Variants in COPS5 observed in about 807,000 individuals in gnomAD.
COPS5 encodes COP9 signalosome complex subunit 5.
In COPS5, 8 loss-of-function variants were observed where a neutral mutation model predicts 44.4. The observed-to-expected ratio is 0.18, with a 90% CI of 0.11 to 0.32. COPS5 has a LOEUF of 0.32. COPS5 is among the 10% of genes least tolerant of loss of function. The pLI, the probability that COPS5 is intolerant of heterozygous loss-of-function variation, is 1.00. For synonymous variants in COPS5, 122 were observed against 142.8 expected (o/e 0.85, Z 1.04); for missense variants, 159 against 406.4 (o/e 0.39, Z 5.23).
intron 5 of COPS5, among the ~76,000 whole-genome samples, chr8:67,052,067 T>C (rs1001615771): frequency 6.6e-6 from 1 of 152,266 alleles, no homozygotes; most frequent in Admixed American, 6.5e-5. Context: ...ATGATATACA[T>C]TGAATAACAA....
chr8:67,062,118 G>A lies in COPS5; in HGVS notation c.-122C>T. On this transcript the variant is annotated 5_prime_UTR_variant, in exon 1 of 8. Transcript: ENST00000357849. ...AACAAACTCTTACCTAGACTCTTGG[G>A]GCAGCCATGACACCTAGAACCGGAG... 2 of 1,552,962 alleles carry A rather than the reference G, an allele frequency of 1.3e-6. No individual in the cohort carries two copies. Among genetic ancestry groups the A allele is most frequent in the East Asian group, 2.4e-5 (1 of 41,738 alleles).
chr8:67,061,704 G>A, intron 1 of COPS5, 150 bp downstream of exon 1: 3 of 763,712 alleles, frequency 3.9e-6, no homozygotes, highest in South Asian at 3.5e-5. Context: ...CCAGCGGAGG[G>A]CTTAGGCTCT....
chr8:67,048,896 G>A (rs1433677488), intron 6 of COPS5, among the ~76,000 whole-genome samples: 1 of 152,102 alleles, frequency 6.6e-6, no homozygotes, highest in African/African-American at 2.4e-5. Context: ...AATGATGTAT[G>A]TAGCATATCA....
intron 2 of COPS5, 105 bp downstream of exon 2, chr8:67,059,106 A>C (rs1354573265): frequency 1.5e-6 from 1 of 675,444 alleles, no homozygotes; most frequent in Admixed American, 2.9e-5. Context: ...TTAAAATTTA[A>C]ATATAAAATT....
chr8:67,058,286 A>C, intron 2 of COPS5, 75 bp from the exon 3 acceptor site: 1 of 1,443,070 alleles, frequency 6.9e-7, no homozygotes, highest in Non-Finnish European at 9.6e-7. Context: ...AATAAGGGTA[A>C]CCAGTCTCCT....
chr8:67,045,848 T>C lies in COPS5; in HGVS notation c.884A>G (p.Lys295Arg). Reference protein sequence around the residue: ...FMLGLETHDRKSEDKLAKATR... With the variant: ...FMLGLETHDRRSEDKLAKATR... ...AGCTTTGGCAAGTTTGTCTTCTGAT[T>C]TTCGGTCATGCGTTTCTAAACCCAA... The change falls in exon 7 of 8, where the codon AAA becomes AGA. Residue 295 changes from lysine to arginine, a missense_variant. This residue lies in a region of COPS5 where 134 missense variants were observed against 376.7 expected (regional missense o/e 0.36). Coordinates refer to ENST00000357849, the MANE Select transcript of COPS5 (RefSeq NM_006837.3). 1 of 1,614,198 alleles carries C rather than the reference T, an allele frequency of 6.2e-7. No homozygotes were observed. Among genetic ancestry groups the C allele is most frequent in the Non-Finnish European group, 8.5e-7 (1 of 1,180,038 alleles).
chr8:67,061,427 TA>T (rs544829583), intron 1 of COPS5: 1,441 of 379,632 alleles, frequency 3.8e-3, no homozygotes, highest in Admixed American at 7.6e-3. Context: ...CCATTTCTAT[TA>T]AAAAAAAAAG....
intron 6 of COPS5, among the ~76,000 whole-genome samples, chr8:67,046,683 C>T (rs1294487509): frequency 4.6e-5 from 7 of 151,244 alleles, no homozygotes; most frequent in African/African-American, 1.5e-4. Context: ...ATTAGCCGGG[C>T]GTGGTGGCAG....
At chr8:67,047,330 T>C (rs1184228809) in intron 6 of COPS5, among the ~76,000 whole-genome samples, 2 of 152,198 alleles carry the variant, frequency 1.3e-5, no homozygotes, top group Non-Finnish European at 2.9e-5. Context: ...TTTTAAAAGA[T>C]GCAATTATAT....
intron 7 of COPS5, 197 bp from the exon 8 acceptor site, chr8:67,043,514 G>A: frequency 4.8e-6 from 2 of 416,180 alleles, no homozygotes; most frequent in Non-Finnish European, 8.5e-6. Context: ...TTACTTACTA[G>A]AACTTTCACA....
chr8:67,060,690 G>A (rs1804581977), intron 1 of COPS5: 1 of 311,642 alleles, frequency 3.2e-6, no homozygotes, highest in Non-Finnish European at 6.2e-6. Flanking sequence ...AGATGGATAA[G>A]TAAATTTCCT....
At chr8:67,059,637 C>T (rs536859552) in intron 1 of COPS5, 192 bp from the exon 2 acceptor site, 4 of 576,128 alleles carry the variant, frequency 6.9e-6, no homozygotes, top group Middle Eastern at 4.6e-4. Context: ...AGTGCAGCAA[C>T]GTATCCCCCT....
At chr8:67,057,757 C>A (rs1375875913) in intron 3 of COPS5, among the ~76,000 whole-genome samples, 2 of 152,160 alleles carry the variant, frequency 1.3e-5, no homozygotes, top group Non-Finnish European at 2.9e-5. Flanking sequence ...CTGGATTGCA[C>A]TTAAAACACC....
intron 4 of COPS5, among the ~76,000 whole-genome samples, chr8:67,057,130 G>A (rs111888399): frequency 0.036 from 5,418 of 152,196 alleles, 200 homozygotes; most frequent in African/African-American, 0.082. Flanking sequence ...TTATTGAATT[G>A]TTTTAATAAC....
chr8:67,049,264 G>A (rs972408748), intron 6 of COPS5, among the ~76,000 whole-genome samples: 20 of 152,094 alleles, frequency 1.3e-4, no homozygotes, highest in Admixed American at 3.9e-4. Flanking sequence ...GGAGTTCAAC[G>A]CCAGCTTGGG....
At chr8:67,048,957 T>A (rs1364676455) in intron 6 of COPS5, among the ~76,000 whole-genome samples, 1 of 152,206 alleles carries the variant, frequency 6.6e-6, no homozygotes. Context: ...TTTCTGAAAG[T>A]CATTCAGAAC....
chr8:67,051,372 T>C, intron 5 of COPS5, 31 bp from the exon 6 acceptor site: 4 of 1,102,988 alleles, frequency 3.6e-6, no homozygotes, highest in Non-Finnish European at 5.1e-6. Context: ...ATTTAGTAAG[T>C]AAAAAAAAAA....
Position 67,058,048 on chromosome 8 carries a change from A to G in COPS5, c.507+35T>C, listed in dbSNP as rs374989048. The G allele has an allele frequency of 7.0e-5, 113 of 1,606,958 alleles. 1 individual carries two copies. Among genetic ancestry groups the G allele is most frequent in the Middle Eastern group, 3.3e-4 (2 of 6,066 alleles). ...TATACTTGCTTCAGCAAATCTTCAT[A>G]AAGAACTTAATTAAACTGGTTTTAA... is the stretch of plus-strand genomic sequence containing the variant. On this transcript the variant is annotated intron_variant, in intron 3 of 7. Coordinates refer to ENST00000357849, the MANE Select transcript of COPS5 (RefSeq NM_006837.3).
chr8:67,046,754 C>T (rs1196831902), intron 6 of COPS5, among the ~76,000 whole-genome samples: 3 of 129,708 alleles, frequency 2.3e-5, no homozygotes, highest in South Asian at 2.7e-4. Context: ...ACCCAGGAGG[C>T]GGAGGTTGCA....
Sources: allele counts gnomAD v4.1 joint callset (sites outside exome capture counted in the v4.1 genomes callset), GRCh38; gene constraint gnomAD v4.1.1; regional missense constraint gnomAD v4.1.1; transcripts MANE v1.5; gene names NCBI Gene and HGNC (gene_info 2026-07-23, HGNC 2026-07-21).